Variants in EPHA7 observed in about 807,000 individuals in gnomAD.
EPHA7 encodes EPH receptor A7, also known as ephrin type-A receptor 7.
In EPHA7, 25 loss-of-function variants were observed where a neutral mutation model predicts 112.6. The observed-to-expected ratio is 0.22, with a 90% CI of 0.16 to 0.31. The LOEUF (loss-of-function observed/expected upper bound fraction) is 0.31, where lower values mean the gene tolerates loss of function less well. Ranked by LOEUF, EPHA7 falls within the 10% of genes least tolerant of loss-of-function variation. EPHA7 has a pLI of 1.00. For synonymous variants in EPHA7, 437 were observed against 406.5 expected (o/e 1.07, Z -0.90); for missense variants, 962 against 1,212.6 (o/e 0.79, Z 3.07).
At chr6:93,411,392 A>ATT (rs756900539) in intron 2 of EPHA7, among the ~76,000 whole-genome samples, 1 of 152,054 alleles carries the variant, frequency 6.6e-6, no homozygotes, top group Non-Finnish European at 1.5e-5. Flanking sequence ...TAAATATTTC[A>ATT]TTTTGTTTAA....
At chr6:93,364,630 C>T (rs1776420287) in intron 3 of EPHA7, among the ~76,000 whole-genome samples, 1 of 150,994 alleles carries the variant, frequency 6.6e-6, no homozygotes, top group Admixed American at 6.6e-5. Flanking sequence ...ATTTTATTTG[C>T]TTATATTAGT....
chr6:93,417,211 G>A (rs1292189114), intron 1 of EPHA7, among the ~76,000 whole-genome samples: 3 of 152,180 alleles, frequency 2.0e-5, no homozygotes, highest in Non-Finnish European at 2.9e-5. Flanking sequence ...AGGGAAGGGG[G>A]TTTCTTATCT....
chr6:93,356,635 G>T (rs1407252415), intron 5 of EPHA7, 82 bp downstream of exon 5: 2 of 1,292,426 alleles, frequency 1.5e-6, no homozygotes, highest in Non-Finnish European at 2.2e-6. Flanking sequence ...TCTGTGCAGA[G>T]AAACTAACTA....
chr6:93,357,166 G>A (rs1775990212), intron 4 of EPHA7, 114 bp from the exon 5 acceptor site: 1 of 741,238 alleles, frequency 1.3e-6, no homozygotes. Flanking sequence ...AATTACCAAA[G>A]AGAAAACGAG....
chr6:93,258,644 T>G (rs981095044), intron 10 of EPHA7, among the ~76,000 whole-genome samples: 2 of 148,784 alleles, frequency 1.3e-5, no homozygotes, highest in African/African-American at 4.9e-5. Flanking sequence ...AGATTTGAAT[T>G]ATGCTATTAT....
At chr6:93,416,450 T>C (rs1162160339) in intron 1 of EPHA7, among the ~76,000 whole-genome samples, 1 of 152,194 alleles carries the variant, frequency 6.6e-6, no homozygotes, top group African/African-American at 2.4e-5. Flanking sequence ...GCCATTCTGC[T>C]ACCCCTCAGC....
chr6:93,382,762 A>ATCTAACTTG (rs1270709656), intron 3 of EPHA7, among the ~76,000 whole-genome samples: 1 of 152,080 alleles, frequency 6.6e-6, no homozygotes, highest in East Asian at 1.9e-4. Context: ...CCAGGATTTA[A>ATCTAACTTG]TCTAACTTGT....
chr6:93,262,373 A>T (rs926356994), intron 9 of EPHA7, among the ~76,000 whole-genome samples: 3 of 151,464 alleles, frequency 2.0e-5, no homozygotes, highest in African/African-American at 7.3e-5. Context: ...ATATCAAATA[A>T]TCCCAAGTGG....
At chr6:93,281,736 TGCCA>T (rs1379745930) in intron 5 of EPHA7, among the ~76,000 whole-genome samples, 2 of 152,164 alleles carry the variant, frequency 1.3e-5, no homozygotes, top group Non-Finnish European at 2.9e-5. Flanking sequence ...AATATTATAA[TGCCA>T]GTTGACAATT....
At chr6:93,254,436 T>C (rs756707877) in intron 14 of EPHA7, among the ~76,000 whole-genome samples, 4 of 152,056 alleles carry the variant, frequency 2.6e-5, no homozygotes, top group Non-Finnish European at 4.4e-5. Flanking sequence ...ATTTATATTA[T>C]AAAAAGAGAA....
chr6:93,328,685 C>T (rs1355132464), intron 5 of EPHA7, among the ~76,000 whole-genome samples: 1 of 151,268 alleles, frequency 6.6e-6, no homozygotes, highest in Non-Finnish European at 1.5e-5. Context: ...TTTAATGCAT[C>T]AAAGGGGCAC....
chr6:93,319,048 C>T (rs1209415183), intron 5 of EPHA7, among the ~76,000 whole-genome samples: 1 of 151,976 alleles, frequency 6.6e-6, no homozygotes, highest in Non-Finnish European at 1.5e-5. Flanking sequence ...TATTAAGGGC[C>T]TCACATGTTC....
chr6:93,364,935 T>C (rs1776434959), intron 3 of EPHA7, among the ~76,000 whole-genome samples: 1 of 151,858 alleles, frequency 6.6e-6, no homozygotes, highest in Admixed American at 6.6e-5. Context: ...AGCTTATATT[T>C]AGAGGAGATT....
intron 5 of EPHA7, among the ~76,000 whole-genome samples, chr6:93,343,650 G>C (rs1372858000): frequency 6.6e-6 from 1 of 151,618 alleles, no homozygotes; most frequent in Non-Finnish European, 1.5e-5. Flanking sequence ...AAAGTAAACT[G>C]TTCATGATTT....
intron 14 of EPHA7, among the ~76,000 whole-genome samples, chr6:93,251,971 A>G (rs1770236125): frequency 6.6e-6 from 1 of 152,042 alleles, no homozygotes; most frequent in Non-Finnish European, 1.5e-5. Context: ...AAAAATACAA[A>G]TGAGTGCCCA....
At chr6:93,272,195 T>C (rs1771256866) in intron 6 of EPHA7, 103 bp downstream of exon 6, 2 of 1,309,940 alleles carry the variant, frequency 1.5e-6, no homozygotes. Flanking sequence ...AAGTTTGAAG[T>C]AGCTCCAAAT....
At chr6:93,344,819 T>A (rs1185648129) in intron 5 of EPHA7, among the ~76,000 whole-genome samples, 1 of 151,562 alleles carries the variant, frequency 6.6e-6, no homozygotes, top group Non-Finnish European at 1.5e-5. Context: ...TGGCCACCCC[T>A]CTTTGGTCTT....
At chr6:93,400,984 C>A (rs1025454889) in intron 3 of EPHA7, among the ~76,000 whole-genome samples, 7 of 152,110 alleles carry the variant, frequency 4.6e-5, no homozygotes, top group African/African-American at 1.7e-4. Context: ...TCACAGTGAT[C>A]TCTTCTCCAG....
intron 5 of EPHA7, among the ~76,000 whole-genome samples, chr6:93,339,815 A>G (rs1031173151): frequency 1.1e-4 from 17 of 151,928 alleles, no homozygotes; most frequent in Admixed American, 1.1e-3. Context: ...AATATACAAA[A>G]GTAAAATAAC....
Sources: gnomAD v4.1 joint callset for allele counts (sites outside exome capture counted in the v4.1 genomes callset) on GRCh38, gnomAD v4.1.1 for gene constraint, MANE v1.5 for transcripts, NCBI Gene and HGNC (gene_info 2026-07-23, HGNC 2026-07-21) for gene names.